Variants in KLHL29 observed in about 807,000 individuals in gnomAD.
KLHL29 encodes kelch like family member 29.
A neutral mutation model predicts 80.4 loss-of-function variants in KLHL29; 21 were observed. The ratio of observed to expected loss-of-function variants is 0.26; its 90% CI spans 0.19 to 0.38. The LOEUF (loss-of-function observed/expected upper bound fraction) is 0.38. KLHL29 is among the 10% of genes least tolerant of loss of function. KLHL29 has a pLI of 1.00. For missense variants in KLHL29, 867 were observed against 1,223.9 expected, an observed-to-expected ratio of 0.71 and a Z score of 4.35; for synonymous variants, 511 against 526.8, an observed-to-expected ratio of 0.97 and a Z score of 0.41.
At chr2:23,689,889 G>GACT (rs1183160302) in intron 6 of KLHL29, 1 of 152,320 alleles carries the variant, frequency 6.6e-6, no homozygotes, top group Non-Finnish European at 1.5e-5. Flanking sequence ...GACAGCAGAA[G>GACT]ACTAGGTGTG....
rs1276927206 is a variant in KLHL29 at position 23,503,559 on chromosome 2, G to A, written c.-46+27892G>A. ...GCAGGCTCCTCATAGGGTCCCTGCC[G>A]CTACACACCACGAGCCCACCGAGAC... is the stretch of plus-strand genomic sequence containing the variant. On this transcript the variant is annotated intron_variant, in intron 2 of 13. Transcript: ENST00000486442. The surrounding 1 kb of genome is among the most constrained non-coding windows in gnomAD (Gnocchi z 4.0). 2.0e-5 allele frequency among the ~76,000 whole-genome samples: 3 copies of A among 147,500 alleles called. No homozygotes were observed. The highest frequency in any genetic ancestry group is 4.4e-4 in the South Asian group (2 of 4,498).
chr2:23,701,423 T>C (rs538783311), intron 11 of KLHL29, among the ~76,000 whole-genome samples: 1 of 152,300 alleles, frequency 6.6e-6, no homozygotes, highest in South Asian at 2.1e-4. Context: ...GCTTAAAACC[T>C]TCAGGGCAGT....
chr2:23,701,939 G>C (rs1395254304), intron 11 of KLHL29, among the ~76,000 whole-genome samples: 1 of 151,592 alleles, frequency 6.6e-6, no homozygotes, highest in African/African-American at 2.4e-5. Flanking sequence ...TGGGTAGCTG[G>C]GTAGCTGGAA....
In KLHL29 at chr2:23,547,059, G is replaced by C. The variant is rs866751588; in HGVS notation, c.-45-15093G>C. 3.9e-5 allele frequency among the ~76,000 whole-genome samples: 6 copies of C among 152,168 alleles called. 1 individual carries two copies. In the South Asian group the frequency reaches 6.2e-4, roughly 16 times the overall value. ...TTCCAGCAGAGCACACACCCTCGTG[G>C]AGCTCCCGCAGAGAACCCACCACAG... On this transcript the variant is annotated intron_variant, in intron 2 of 13. Coordinates refer to ENST00000486442, the MANE Select transcript of KLHL29 (RefSeq NM_052920.2).
intron 1 of KLHL29, among the ~76,000 whole-genome samples, chr2:23,428,958 CTG>C (rs1242069245): frequency 1.3e-5 from 2 of 152,192 alleles, no homozygotes. Context: ...AGGCTGGACT[CTG>C]GGTTCTCATC....
intron 3 of KLHL29, among the ~76,000 whole-genome samples, chr2:23,587,153 C>T (rs538998666): frequency 1.3e-5 from 2 of 152,066 alleles, no homozygotes; most frequent in Admixed American, 6.5e-5. Context: ...TCCCTCTCAG[C>T]GTGTCGAGAA....
At chr2:23,535,888 A>T (rs1423193864) in intron 2 of KLHL29, among the ~76,000 whole-genome samples, 1 of 152,238 alleles carries the variant, frequency 6.6e-6, no homozygotes, top group Non-Finnish European at 1.5e-5. Flanking sequence ...TACACATAAA[A>T]TGGCTAAAAT....
Position 23,642,626 on chromosome 2 carries a change from C to G in KLHL29, c.716C>G (p.Pro239Arg). ...CAGCCCCTGGCCGTGTCCACACTGC[C>G]CGGTGTGGGGCAGGTGGCCCGCCCA... ...SPQPLAVSTL[P>R]GVGQVARPGP... The change falls in exon 5 of 14, where the codon CCC becomes CGC. Residue 239 changes from proline (P) to arginine (R), a missense_variant. Around this residue, in one of 2 missense-constraint regions of KLHL29, gnomAD observed 424 missense variants for 456.9 expected, o/e 0.93. Coordinates refer to ENST00000486442, the MANE Select transcript of KLHL29 (RefSeq NM_052920.2). 2 of 1,549,752 alleles carry G rather than the reference C, an allele frequency of 1.3e-6. No homozygotes were observed. The highest frequency in any genetic ancestry group is 8.7e-7 in the Non-Finnish European group (1 of 1,146,550).
chr2:23,484,322 G>C (rs148760056), intron 2 of KLHL29, among the ~76,000 whole-genome samples: 15 of 152,356 alleles, frequency 9.8e-5, no homozygotes, highest in African/African-American at 3.4e-4. Flanking sequence ...GTGGAAGACA[G>C]ACGTAGCCTA....
intron 11 of KLHL29, among the ~76,000 whole-genome samples, chr2:23,699,156 G>A (rs1303997844): frequency 1.3e-5 from 2 of 152,176 alleles, no homozygotes; most frequent in Non-Finnish European, 2.9e-5. Context: ...CATCACCCTC[G>A]CTCAGAGGCA....
chr2:23,479,363 C>G (rs901493230), intron 2 of KLHL29, among the ~76,000 whole-genome samples: 33 of 150,814 alleles, frequency 2.2e-4, no homozygotes, highest in African/African-American at 7.9e-4. Context: ...CCGCACCTTT[C>G]CATCAACAGG....
At chr2:23,395,256 C>G (rs1572478433) in intron 1 of KLHL29, among the ~76,000 whole-genome samples, 1 of 152,184 alleles carries the variant, frequency 6.6e-6, no homozygotes, top group South Asian at 2.1e-4. Context: ...GTTGTGAATG[C>G]TGCTGTGGCC....
At chr2:23,604,442 A>G (rs556728020) in intron 3 of KLHL29, among the ~76,000 whole-genome samples, 1 of 152,272 alleles carries the variant, frequency 6.6e-6, no homozygotes, top group African/African-American at 2.4e-5. Flanking sequence ...GCTGCTGGTT[A>G]CCGGGCTTGC....
chr2:23,540,099 C>T (rs2103483097), intron 2 of KLHL29, among the ~76,000 whole-genome samples: 1 of 152,324 alleles, frequency 6.6e-6, no homozygotes, highest in East Asian at 1.9e-4. Context: ...AGACCCTCCT[C>T]AGTCCTTGCC....
At chr2:23,502,115 G>A (rs1411193800) in intron 2 of KLHL29, among the ~76,000 whole-genome samples, 1 of 152,136 alleles carries the variant, frequency 6.6e-6, no homozygotes, top group African/African-American at 2.4e-5. Context: ...CTCAGACCGG[G>A]AGGTTTTCTG....
Position 23,684,318 on chromosome 2 carries a change from A to G in KLHL29, c.941-81A>G. On this transcript the variant is annotated intron_variant, in intron 5 of 13. Coordinates refer to ENST00000486442, the MANE Select transcript of KLHL29 (RefSeq NM_052920.2). This position sits in a 1 kb window ranked among gnomAD's most constrained non-coding sequence, Gnocchi z 4.4. ...TTTCCTATTTCTCTACTTCTTGAAA[A>G]AAGAAAAAAAACTTTTTTTAATTAA... 1 of 1,118,130 alleles carries G rather than the reference A, an allele frequency of 8.9e-7. No homozygotes were observed. Among genetic ancestry groups the G allele is most frequent in the Non-Finnish European group, 1.2e-6 (1 of 846,274 alleles). The allele number at this position is 1,118,130 out of a possible 1,614,324, so 69.3% of individuals were successfully genotyped here.
chr2:23,645,115 TC>T (rs1254438585), intron 5 of KLHL29, among the ~76,000 whole-genome samples: 1 of 152,226 alleles, frequency 6.6e-6, no homozygotes, highest in Non-Finnish European at 1.5e-5. Flanking sequence ...GTGGGTTTTT[TC>T]TTTTTTTAAT....
chr2:23,652,188 G>T (rs1161395856), intron 5 of KLHL29, among the ~76,000 whole-genome samples: 1 of 152,148 alleles, frequency 6.6e-6, no homozygotes, highest in Non-Finnish European at 1.5e-5. Context: ...TTTTTATCCT[G>T]GTTTAGCTAC....
At chr2:23,533,871 A>G (rs1370301719) in intron 2 of KLHL29, among the ~76,000 whole-genome samples, 1 of 152,180 alleles carries the variant, frequency 6.6e-6, no homozygotes, top group African/African-American at 2.4e-5. Context: ...GCTTTCAGAA[A>G]AAACAAATTT....
Sources: allele counts gnomAD v4.1 joint callset (sites outside exome capture counted in the v4.1 genomes callset), GRCh38; gene constraint gnomAD v4.1.1; regional missense constraint gnomAD v4.1.1; non-coding constraint Gnocchi (gnomAD v3.1); transcripts MANE v1.5; gene names NCBI Gene and HGNC (gene_info 2026-07-23, HGNC 2026-07-21).